Variants in FRMD4A observed in about 807,000 individuals in gnomAD.
The protein encoded by FRMD4A is FERM domain containing 4A, also known as FERM domain-containing protein 4A.
In FRMD4A, 29 loss-of-function variants were observed where a neutral mutation model predicts 129.1. The observed-to-expected ratio is 0.22, with a 90% confidence interval of 0.17 to 0.31. The LOEUF is 0.31. Among genes scored for constraint, FRMD4A ranks in the 10% least tolerant of loss-of-function variants. The probability of loss-of-function intolerance (pLI) is 1.00; values close to 1 mark genes in which losing one functional copy is unlikely to be tolerated. For synonymous variants in FRMD4A, 634 were observed against 571.6 expected (o/e 1.11, Z -1.56); for missense variants, 1,272 against 1,375.8 (o/e 0.92, Z 1.19).
intron 2 of FRMD4A, among the ~76,000 whole-genome samples, chr10:14,021,418 A>G (rs1320364389): frequency 6.6e-6 from 1 of 151,882 alleles, no homozygotes; most frequent in African/African-American, 2.4e-5. Context: ...ACAGCTGGGC[A>G]TGGTGGCTTA....
chr10:13,701,308 G>C (rs767289872), intron 14 of FRMD4A, 32 bp downstream of exon 14: 6 of 1,598,024 alleles, frequency 3.8e-6, no homozygotes, highest in Non-Finnish European at 5.1e-6. Context: ...GCAGACAATG[G>C]CCCGGGCTTG....
rs149155005 is a variant in FRMD4A, at chr10:14,045,206, G to A, written c.46-186294C>T. On this transcript the variant is annotated intron_variant, in intron 2 of 24. Transcript: ENST00000357447. The stretch of plus-strand genomic sequence containing the variant: ...TGCCTGGCCATTCCCTGGTCCTTCT[G>A]CCATCATGACTTCATGTGACTTACA... 1.3e-4 allele frequency among the ~76,000 whole-genome samples: 20 copies of A among 152,150 alleles called. No homozygotes were observed. In the East Asian group the frequency reaches 3.9e-3, roughly 29 times the overall value.
intron 2 of FRMD4A, among the ~76,000 whole-genome samples, chr10:13,986,137 C>T (rs1055215833): frequency 2.6e-5 from 4 of 152,160 alleles, no homozygotes; most frequent in African/African-American, 9.7e-5. Flanking sequence ...TCCTCCCTTC[C>T]TGTGGTCCCA....
chr10:13,950,858 A>C lies in FRMD4A; in HGVS notation c.46-91946T>G, dbSNP rs373367813. Among the ~76,000 whole-genome samples, 48 of 152,264 alleles carry C rather than the reference A, an allele frequency of 3.2e-4. No homozygotes were observed. The East Asian group carries it at 8.5e-3, about 27-fold the overall frequency. The stretch of plus-strand genomic sequence containing the variant: ...CCTTATCCTGCTTATTTGTTTACTT[A>C]TCTTCTCTCTTGCCATGGAGAATGG... On this transcript the variant is annotated intron_variant, in intron 2 of 24. Transcript: ENST00000357447.
At position 13,801,385 on chromosome 10, in the gene FRMD4A, C is replaced by T. The variant is rs560357931; in HGVS notation, c.207-4797G>A. ...CAAATGAATTTCCTTCCTCCACTTC[C>T]CCTGCTTGAACTCGTCCACTCCAAT... On this transcript the variant is annotated intron_variant, in intron 4 of 24. Coordinates refer to ENST00000357447, the MANE Select transcript of FRMD4A (RefSeq NM_018027.5). Among the ~76,000 whole-genome samples the T allele has an allele frequency of 2.6e-5, 4 of 152,354 alleles. No individual in the cohort carries two copies. The South Asian group carries it at 8.3e-4, about 32-fold the overall frequency.
At chr10:14,139,264 T>C (rs534843200) in intron 2 of FRMD4A, among the ~76,000 whole-genome samples, 1 of 152,286 alleles carries the variant, frequency 6.6e-6, no homozygotes, top group African/African-American at 2.4e-5. Flanking sequence ...AAGAAGTATC[T>C]TATGAATATA....
chr10:13,740,239 G>A lies in FRMD4A; in HGVS notation c.627C>T (p.Ile209=), dbSNP rs754635018. The change falls in exon 11 of 25, where the codon ATC becomes ATT. Residue 209 remains isoleucine, a synonymous_variant. Coordinates refer to ENST00000357447, the MANE Select transcript of FRMD4A (RefSeq NM_018027.5). ...RGQAIVNYMS[I]VESLPTYGVH... is the part of the protein sequence containing the mutation. ...CCCCGTAGGTTGGGAGAGACTCCAC[G>A]ATGCTCATGTAGCTGGAATGACAAC... is the stretch of plus-strand genomic sequence containing the variant. 37 of 1,607,156 alleles carry A rather than the reference G, an allele frequency of 2.3e-5. No homozygotes were observed. The highest frequency in any genetic ancestry group is 1.3e-4 in the Admixed American group (8 of 59,990).
At chr10:13,654,995 G>A (rs1357118270) in intron 22 of FRMD4A, 1 of 161,554 alleles carries the variant, frequency 6.2e-6, no homozygotes, top group Non-Finnish European at 1.4e-5. Context: ...ATCCAGAAAG[G>A]TTCTCAGAGC....
chr10:13,769,652 G>T (rs1002613403), intron 6 of FRMD4A, among the ~76,000 whole-genome samples: 4 of 152,092 alleles, frequency 2.6e-5, no homozygotes, highest in Non-Finnish European at 5.9e-5. Context: ...TGTCTACGAG[G>T]GTGTTTCTGG....
chr10:14,251,687 G>A (rs1205035116), intron 2 of FRMD4A, among the ~76,000 whole-genome samples: 1 of 152,154 alleles, frequency 6.6e-6, no homozygotes, highest in African/African-American at 2.4e-5. Flanking sequence ...AAAATAAGAA[G>A]TCTCTTTGAG....
intron 12 of FRMD4A, among the ~76,000 whole-genome samples, chr10:13,724,570 A>G (rs550197533): frequency 4.6e-5 from 7 of 152,160 alleles, no homozygotes; most frequent in Non-Finnish European, 8.8e-5. Context: ...GGATCCAACG[A>G]TAGCATTTGG....
chr10:14,138,335 C>T (rs1453910201), intron 2 of FRMD4A, among the ~76,000 whole-genome samples: 5 of 152,166 alleles, frequency 3.3e-5, no homozygotes, highest in Non-Finnish European at 7.3e-5. Flanking sequence ...TCTCTACAGC[C>T]TCTTCCTACA....
chr10:13,665,216 C>G (rs764170717), intron 18 of FRMD4A, among the ~76,000 whole-genome samples: 1 of 152,072 alleles, frequency 6.6e-6, no homozygotes, highest in Non-Finnish European at 1.5e-5. Context: ...GCATCAAGCA[C>G]ATTCCCATTG....
In FRMD4A at chr10:13,644,886, A is replaced by G. The variant is rs1046232750; in HGVS notation, c.*2152T>C. ...CCCAGTGAATCCCTAGAATCATTTA[A>G]TAATGTAACCGGTATCTCTTTATCC... On this transcript the variant is annotated 3_prime_UTR_variant, in exon 25 of 25. Transcript: ENST00000357447. The G allele has an allele frequency of 6.6e-6, 1 of 152,286 alleles. No individual in the cohort carries two copies. Among genetic ancestry groups the G allele is most frequent in the African/African-American group, 2.4e-5 (1 of 41,480 alleles). 9.4% of individuals were successfully genotyped at this position (152,286 alleles called of 1,614,324 possible). A position where few individuals can be genotyped will look rare whatever the true frequency, so the allele number is the denominator to read the frequency against.
chr10:14,036,471 G>C (rs183494569), intron 2 of FRMD4A, among the ~76,000 whole-genome samples: 3 of 152,310 alleles, frequency 2.0e-5, no homozygotes, highest in Admixed American at 2.0e-4. Context: ...ACAAAGCCAG[G>C]CCAAGGGGAG....
At chr10:13,810,394 A>C (rs1175199477) in intron 4 of FRMD4A, among the ~76,000 whole-genome samples, 1 of 152,166 alleles carries the variant, frequency 6.6e-6, no homozygotes, top group Admixed American at 6.5e-5. Context: ...AGACACTGAA[A>C]CTGCACAGGT....
At chr10:14,163,608 C>T (rs1156873469) in intron 2 of FRMD4A, among the ~76,000 whole-genome samples, 1 of 152,304 alleles carries the variant, frequency 6.6e-6, no homozygotes, top group Non-Finnish European at 1.5e-5. Context: ...GCCTGGCACT[C>T]GTTACGAGCA....
intron 2 of FRMD4A, among the ~76,000 whole-genome samples, chr10:13,966,403 C>A (rs77310971): frequency 2.0e-5 from 3 of 152,142 alleles, no homozygotes; most frequent in Non-Finnish European, 4.4e-5. Context: ...ATGGCAAACC[C>A]GCAATTACTT....
intron 2 of FRMD4A, among the ~76,000 whole-genome samples, chr10:14,045,669 T>C (rs1314624533): frequency 1.4e-5 from 2 of 146,546 alleles, no homozygotes; most frequent in African/African-American, 5.0e-5. Context: ...AATTATGTCA[T>C]ATTTATATTA....
Sources: gnomAD v4.1 joint callset for allele counts (sites outside exome capture counted in the v4.1 genomes callset) on GRCh38, gnomAD v4.1.1 for gene constraint, MANE v1.5 for transcripts, NCBI Gene and HGNC (gene_info 2026-07-23, HGNC 2026-07-21) for gene names.